The following ANO3 variants were observed in gnomAD, a reference collection of about 807,000 sequenced individuals.
The protein encoded by ANO3 is anoctamin 3.
Under a neutral mutation model 144.8 loss-of-function variants are expected in ANO3, and 99 were observed. That is an observed-to-expected ratio of 0.68 (90% CI 0.58 to 0.81). The LOEUF is 0.81. Ranked by LOEUF, ANO3 falls within the 30% of genes least tolerant of loss-of-function variation. The probability of loss-of-function intolerance (pLI) is 0.00; values close to 1 mark genes in which losing one functional copy is unlikely to be tolerated. For synonymous variants in ANO3, 414 were observed against 392.6 expected, an observed-to-expected ratio of 1.05 and a Z score of -0.64; for missense variants, 905 against 1,202.2, an observed-to-expected ratio of 0.75 and a Z score of 3.66.
At position 26,233,216 on chromosome 11, in the gene ANO3, C is replaced by CA. The variant is rs56234101; in HGVS notation, c.154+43899dup. Among the ~76,000 whole-genome samples, 258 of 118,456 alleles carry CA rather than the reference C, an allele frequency of 2.2e-3. 2 individuals carry two copies. Among genetic ancestry groups the CA allele is most frequent in the South Asian group, 9.5e-3 (35 of 3,684 alleles). 77.7% of individuals were successfully genotyped at this position (118,456 alleles called of 152,430 possible). On this transcript the variant is annotated intron_variant, in intron 1 of 27. Coordinates refer to the ANO3 transcript ENST00000672621. The stretch of plus-strand genomic sequence containing the variant: ...TGGGCAACAGAGCAAGACTCCGTCT[C>CA]AAAAAAAAAAAAAGAAAAGAAAAGA...
chr11:26,283,335 T>C (rs373618012), intron 1 of ANO3, among the ~76,000 whole-genome samples: 1 of 77,128 alleles, frequency 1.3e-5, no homozygotes, highest in Non-Finnish European at 2.7e-5. Flanking sequence ...TATATATATA[T>C]ATATATATAT....
chr11:26,560,845 G>A (rs1017451570), intron 14 of ANO3: 37 of 422,548 alleles, frequency 8.8e-5, no homozygotes, highest in Non-Finnish European at 1.5e-4. Flanking sequence ...TACAAATTAA[G>A]GCTACTTAGT....
intron 14 of ANO3, among the ~76,000 whole-genome samples, chr11:26,590,719 G>T (rs1851421805): frequency 6.6e-6 from 1 of 152,226 alleles, no homozygotes. Flanking sequence ...CCTCTAGCTG[G>T]ATCCAGAGCG....
At chr11:26,379,232 A>G (rs1490313633) in intron 1 of ANO3, among the ~76,000 whole-genome samples, 2 of 152,212 alleles carry the variant, frequency 1.3e-5, no homozygotes, top group Non-Finnish European at 2.9e-5. Context: ...AAGAGAAAAG[A>G]TCAAAGATGT....
chr11:26,615,414 A>ATATATATAT (rs1352935016), intron 17 of ANO3, among the ~76,000 whole-genome samples: 7 of 130,686 alleles, frequency 5.4e-5, no homozygotes, highest in African/African-American at 2.1e-4. Flanking sequence ...ATATATATAT[A>ATATATATAT]TTTTTTTTTT....
chr11:26,560,791 A>C (rs1022368467), intron 14 of ANO3: 1 of 305,090 alleles, frequency 3.3e-6, no homozygotes, highest in Non-Finnish European at 6.0e-6. Context: ...TTTTAGTTTT[A>C]TCTGATTCCA....
intron 4 of ANO3, among the ~76,000 whole-genome samples, chr11:26,484,932 G>T (rs1860383643): frequency 6.6e-6 from 1 of 152,162 alleles, no homozygotes; most frequent in Non-Finnish European, 1.5e-5. Flanking sequence ...GGGCTTGTTT[G>T]GGGCCTGCAG....
chr11:26,582,393 A>G (rs2132861951), intron 14 of ANO3, among the ~76,000 whole-genome samples: 1 of 152,290 alleles, frequency 6.6e-6, no homozygotes, highest in Non-Finnish European at 1.5e-5. Context: ...CTTTGAATAG[A>G]CGAAGACCTT....
chr11:26,295,706 G>A (rs920318743), intron 1 of ANO3, among the ~76,000 whole-genome samples: 1 of 152,054 alleles, frequency 6.6e-6, no homozygotes, highest in Non-Finnish European at 1.5e-5. Context: ...TCCATCAGTT[G>A]TCAAATCAGA....
intron 1 of ANO3, among the ~76,000 whole-genome samples, chr11:26,191,809 G>A (rs1028830048): frequency 5.3e-5 from 8 of 152,034 alleles, no homozygotes; most frequent in Non-Finnish European, 5.9e-5. Context: ...ATATCTCTGT[G>A]TAAAGGGATT....
Position 26,332,216 on chromosome 11 carries a change from C to T in ANO3, c.-60C>T, listed in dbSNP as rs761656468. 1.2e-6 allele frequency: 2 copies of T among 1,614,020 alleles called. No homozygotes were observed. Among genetic ancestry groups the T allele is most frequent in the East Asian group, 4.5e-5 (2 of 44,854 alleles). ...CCTTGGAGCGTCTAGAGTCTGGCTA[C>T]TGTTCCTCCGCCTCCCTCTCGGGCA... On this transcript the variant is annotated 5_prime_UTR_variant, in exon 1 of 27. Coordinates refer to ENST00000256737, the MANE Select transcript of ANO3 (RefSeq NM_031418.4).
At chr11:26,535,848 G>T (rs952033218) in intron 9 of ANO3, among the ~76,000 whole-genome samples, 6 of 151,710 alleles carry the variant, frequency 4.0e-5, no homozygotes, top group Non-Finnish European at 8.8e-5. Flanking sequence ...CTCCCAAAGT[G>T]CTGGGATTAC....
At chr11:26,625,160 C>T (rs934294456) in intron 18 of ANO3, among the ~76,000 whole-genome samples, 1 of 152,158 alleles carries the variant, frequency 6.6e-6, no homozygotes, top group Non-Finnish European at 1.5e-5. Context: ...TTCCTGACCT[C>T]GTGATCTGCC....
At chr11:26,601,940 T>A (rs1176699382) in intron 17 of ANO3, among the ~76,000 whole-genome samples, 3 of 152,080 alleles carry the variant, frequency 2.0e-5, no homozygotes, top group Non-Finnish European at 4.4e-5. Context: ...GATCTTATAG[T>A]CTAGTGGGGA....
intron 1 of ANO3, among the ~76,000 whole-genome samples, chr11:26,366,113 T>C (rs972275130): frequency 5.9e-5 from 9 of 151,946 alleles, no homozygotes; most frequent in Non-Finnish European, 1.3e-4. Context: ...TCATTTACAT[T>C]AGGTATATCT....
intron 14 of ANO3, among the ~76,000 whole-genome samples, chr11:26,595,042 T>A (rs1851568458): frequency 6.6e-6 from 1 of 152,156 alleles, no homozygotes; most frequent in African/African-American, 2.4e-5. Flanking sequence ...GGGGAATGTT[T>A]CCCATCTGAA....
intron 5 of ANO3, among the ~76,000 whole-genome samples, chr11:26,509,408 C>T (rs150048754): frequency 0.022 from 3,339 of 151,998 alleles, 63 homozygotes; most frequent in Non-Finnish European, 0.035. Flanking sequence ...CTCTGCCTCC[C>T]GGGCTCAAGC....
chr11:26,515,403 A>T (rs1419990686), intron 5 of ANO3, among the ~76,000 whole-genome samples: 1 of 3,510 alleles, frequency 2.8e-4, no homozygotes, highest in Non-Finnish European at 4.3e-3. Flanking sequence ...GAGAAACCAA[A>T]ACTTTAATCA....
At chr11:26,427,606 A>T (rs967076702) in intron 1 of ANO3, among the ~76,000 whole-genome samples, 1 of 152,200 alleles carries the variant, frequency 6.6e-6, no homozygotes, top group African/African-American at 2.4e-5. Flanking sequence ...ACTGAAAATT[A>T]TACTGCCAAA....
Sources: gnomAD v4.1 joint callset for allele counts (sites outside exome capture counted in the v4.1 genomes callset) on GRCh38, gnomAD v4.1.1 for gene constraint, MANE v1.5 for transcripts, NCBI Gene and HGNC (gene_info 2026-07-23, HGNC 2026-07-21) for gene names.